Variants in SPAG9 observed in about 807,000 individuals in gnomAD.
The protein encoded by SPAG9 is C-Jun-amino-terminal kinase-interacting protein 4.
Under a neutral mutation model 166.5 loss-of-function variants are expected in SPAG9, and 35 were observed. That is an observed-to-expected ratio of 0.21 (90% confidence interval 0.16 to 0.28). The LOEUF (loss-of-function observed/expected upper bound fraction) is 0.28, where lower values mean the gene tolerates loss of function less well. SPAG9 is among the 10% of genes least tolerant of loss of function. The pLI is 1.00. For synonymous variants in SPAG9, 534 were observed against 565.5 expected, an observed-to-expected ratio of 0.94 and a Z score of 0.79; for missense variants, 1,235 against 1,603.3, an observed-to-expected ratio of 0.77 and a Z score of 3.92.
At chr17:51,007,482 T>C (rs1250851261) in intron 9 of SPAG9, among the ~76,000 whole-genome samples, 156 bp from the exon 10 acceptor site, 1 of 152,124 alleles carries the variant, frequency 6.6e-6, no homozygotes, top group Admixed American at 6.5e-5. Flanking sequence ...GGACCTACTT[T>C]AATAGATTAT....
At position 51,079,166 on chromosome 17, in the gene SPAG9, C is replaced by G. The variant is rs1271582530; in HGVS notation, c.424+418G>C. 5.3e-5 allele frequency among the ~76,000 whole-genome samples: 8 copies of G among 151,868 alleles called. No homozygotes were observed. The East Asian group carries it at 1.5e-3, about 29-fold the overall frequency. On this transcript the variant is annotated intron_variant, in intron 2 of 29. Transcript: ENST00000262013. Reference sequence around the variant, plus strand: ...CACTCTTGAGTCTGGGATGACAATTCCAAGTTTGTATTTAGAACCTTAGTC... The same window carrying G: ...CACTCTTGAGTCTGGGATGACAATTGCAAGTTTGTATTTAGAACCTTAGTC...
At chr17:51,024,468 G>C (rs1224868258) in intron 6 of SPAG9, among the ~76,000 whole-genome samples, 1 of 152,078 alleles carries the variant, frequency 6.6e-6, no homozygotes, top group African/African-American at 2.4e-5. Flanking sequence ...GCTCATGCCT[G>C]TAATCCCAGC....
chr17:50,992,670 G>A (rs1432150601), intron 19 of SPAG9, among the ~76,000 whole-genome samples: 4 of 151,882 alleles, frequency 2.6e-5, no homozygotes, highest in Admixed American at 6.6e-5. Context: ...ACAGAGTGAG[G>A]CCCTGTCTCA....
chr17:51,089,971 C>T (rs1461742695), intron 1 of SPAG9, among the ~76,000 whole-genome samples: 2 of 151,450 alleles, frequency 1.3e-5, no homozygotes, highest in East Asian at 3.9e-4. Context: ...GCCACCGTGC[C>T]CGGCCATATA....
At chr17:51,115,209 G>C (rs531203148) in intron 1 of SPAG9, among the ~76,000 whole-genome samples, 2 of 152,172 alleles carry the variant, frequency 1.3e-5, no homozygotes, top group Non-Finnish European at 2.9e-5. Flanking sequence ...TTTTTGGTAA[G>C]AAACAGGGTC....
At chr17:51,061,612 C>CAAAAAAAAAAAAAAAA (rs34010166) in intron 2 of SPAG9, among the ~76,000 whole-genome samples, 1 of 31,724 alleles carries the variant, frequency 3.2e-5, no homozygotes, top group African/African-American at 1.0e-4. Flanking sequence ...GCTCTGTCTC[C>CAAAAAAAAAAAAAAAA]AAAAAAAAAA....
At chr17:50,995,338 T>C (rs2044629595) in intron 17 of SPAG9, 106 bp downstream of exon 17, 1 of 1,306,906 alleles carries the variant, frequency 7.7e-7, no homozygotes, top group African/African-American at 1.5e-5. Flanking sequence ...TATTATAAAA[T>C]GAACAATAAC....
intron 26 of SPAG9, among the ~76,000 whole-genome samples, chr17:50,979,090 G>A (rs1974396989): frequency 6.6e-6 from 1 of 151,984 alleles, no homozygotes; most frequent in Admixed American, 6.6e-5. Flanking sequence ...AACAATAAGG[G>A]GCCAGGTGCA....
At chr17:51,072,986 T>C (rs2047865446) in intron 2 of SPAG9, among the ~76,000 whole-genome samples, 1 of 152,132 alleles carries the variant, frequency 6.6e-6, no homozygotes, top group Non-Finnish European at 1.5e-5. Flanking sequence ...GCCTAGGAGT[T>C]TGAGACCAGC....
chr17:51,016,133 CA>C (rs2045688570), intron 8 of SPAG9: 1 of 151,948 alleles, frequency 6.6e-6, no homozygotes, highest in Admixed American at 6.6e-5. Context: ...TCTCCCAACC[CA>C]TATAGTTCTT....
chr17:51,098,166 G>GTT (rs375879566), intron 1 of SPAG9, among the ~76,000 whole-genome samples: 3 of 148,942 alleles, frequency 2.0e-5, no homozygotes, highest in African/African-American at 7.4e-5. Flanking sequence ...TGTTATGTGT[G>GTT]TTTTTTTTTT....
chr17:51,076,434 T>C (rs2047972059), intron 2 of SPAG9, among the ~76,000 whole-genome samples: 1 of 147,216 alleles, frequency 6.8e-6, no homozygotes, highest in East Asian at 2.1e-4. Flanking sequence ...AATAATTTCT[T>C]ATTGAAAACT....
intron 6 of SPAG9, among the ~76,000 whole-genome samples, chr17:51,030,614 A>G (rs556510292): frequency 6.6e-6 from 1 of 152,232 alleles, no homozygotes; most frequent in East Asian, 1.9e-4. Flanking sequence ...AAATAATTTG[A>G]CTCCTAAGAG....
At position 50,987,204 on chromosome 17, in the gene SPAG9, T is replaced by G. The variant is rs1975113698; in HGVS notation, c.2847A>C (p.Ser949=). 2.5e-6 allele frequency: 4 copies of G among 1,612,454 alleles called. No individual in the cohort carries two copies. Among genetic ancestry groups the G allele is most frequent in the Non-Finnish European group, 3.4e-6 (4 of 1,179,442 alleles). ...CCAAGTCTTGTTCATTTGGCAGTACTGATATTTGATCTTTATATGCATCTG... is the reference window on the plus strand; with the variant it reads ...CCAAGTCTTGTTCATTTGGCAGTACGGATATTTGATCTTTATATGCATCTG... ...NDSDAYKDQI[S]VLPNEQDLVR... Residue 949 remains serine (S), a synonymous_variant, in exon 22 of 30, where the codon TCA becomes TCC. Transcript: ENST00000262013.
At chr17:51,023,363 T>G (rs749417773) in intron 6 of SPAG9, 1 of 236,780 alleles carries the variant, frequency 4.2e-6, no homozygotes, top group Non-Finnish European at 8.5e-6. Context: ...TAAGGGAGTA[T>G]CAGCAGGAAT....
chr17:51,076,130 AT>A (rs1342856859), intron 2 of SPAG9, among the ~76,000 whole-genome samples: 1 of 151,152 alleles, frequency 6.6e-6, no homozygotes, highest in African/African-American at 2.4e-5. Flanking sequence ...AAGAAAAAAA[AT>A]TTTTTTCAGG....
At chr17:51,016,106 T>G (rs994983077) in intron 8 of SPAG9, 1 of 152,128 alleles carries the variant, frequency 6.6e-6, no homozygotes, top group Non-Finnish European at 1.5e-5. Context: ...GTCTTTGCAA[T>G]TCTGATGGAA....
rs1276452004 is a variant in SPAG9 at position 51,057,085 on chromosome 17, T to C, written c.425-603A>G. Among the ~76,000 whole-genome samples, 6 of 152,174 alleles carry C rather than the reference T, an allele frequency of 3.9e-5. No homozygotes were observed. The East Asian group carries it at 5.8e-4, about 15-fold the overall frequency. ...GGATTCCACAGGAAAGAATAACTGATAGCAAAGAGGAATGATTCAGGGAGG... is the reference window on the plus strand; with the variant it reads ...GGATTCCACAGGAAAGAATAACTGACAGCAAAGAGGAATGATTCAGGGAGG... On this transcript the variant is annotated intron_variant, in intron 2 of 29. Coordinates refer to ENST00000262013, the MANE Select transcript of SPAG9 (RefSeq NM_001130528.3).
intron 3 of SPAG9, among the ~76,000 whole-genome samples, chr17:51,048,557 C>T (rs1208479406): frequency 2.6e-5 from 4 of 151,678 alleles, no homozygotes; most frequent in Non-Finnish European, 5.9e-5. Context: ...TATTAAGATG[C>T]ATTTCAATCT....
Sources: allele counts gnomAD v4.1 joint callset (sites outside exome capture counted in the v4.1 genomes callset), GRCh38; gene constraint gnomAD v4.1.1; transcripts MANE v1.5; gene names NCBI Gene and HGNC (gene_info 2026-07-23, HGNC 2026-07-21).